Variants in JUP observed in about 807,000 individuals in gnomAD.
JUP encodes catenin (cadherin-associated protein), gamma 80kDa.
In JUP, 28 loss-of-function variants were observed where a neutral mutation model predicts 71.1. The ratio of observed to expected loss-of-function variants is 0.39; its 90% CI spans 0.29 to 0.54. JUP has a LOEUF of 0.54. JUP is among the 20% of genes least tolerant of loss of function. The probability of loss-of-function intolerance (pLI) is 0.62; values close to 1 mark genes in which losing one functional copy is unlikely to be tolerated. For missense variants in JUP, 869 were observed against 1,030.1 expected (o/e 0.84, Z 2.14); for synonymous variants, 401 against 438.9 (o/e 0.91, Z 1.08).
intron 7 of JUP, 118 bp from the exon 8 acceptor site, chr17:41,763,439 G>T: frequency 1.4e-6 from 1 of 706,526 alleles, no homozygotes; most frequent in Admixed American, 2.3e-5. Context: ...GTGTGTGCCC[G>T]GGAACTTTCA....
At chr17:41,785,820 C>CG (rs1555611628) in intron 1 of JUP, 1 of 152,374 alleles carries the variant, frequency 6.6e-6, no homozygotes, top group Admixed American at 6.6e-5. Flanking sequence ...ACCCCACCCC[C>CG]CAGACCCCAG....
chr17:41,758,862 G>A lies in JUP; in HGVS notation c.1506C>T (p.Ile502=), dbSNP rs372963143. The A allele has an allele frequency of 5.6e-6, 9 of 1,606,576 alleles. No individual in the cohort carries two copies. Among genetic ancestry groups the A allele is most frequent in the South Asian group, 1.1e-5 (1 of 90,714 alleles). The change falls in exon 9 of 14, where the codon ATC becomes ATT. Residue 502 remains isoleucine (I), a synonymous_variant. Transcript: ENST00000393931. The part of the protein sequence containing the change: ...PNQWPLVKAT[I]GLIRNLALCP... ...ACAGGGCCAGATTCCTGATCAAGCC[G>A]ATGGTTGCCTGGCAAAAAAAGGGGC...
At chr17:41,785,036 G>A (rs1429726612) in intron 1 of JUP, 2 of 151,996 alleles carry the variant, frequency 1.3e-5, no homozygotes, top group Non-Finnish European at 2.9e-5. Context: ...AGCTCTGCCT[G>A]AGAGAGTCTA....
chr17:41,779,333 ATTTT>A (rs34269111), intron 1 of JUP, among the ~76,000 whole-genome samples: 10 of 100,218 alleles, frequency 1.0e-4, no homozygotes, highest in African/African-American at 3.3e-4. Context: ...AAACTTCCCA[ATTTT>A]TTTTTTTTTT....
intron 12 of JUP, 107 bp from the exon 13 acceptor site, chr17:41,756,321 T>G: frequency 8.9e-7 from 1 of 1,127,310 alleles, no homozygotes. Flanking sequence ...GGGGCCAGGC[T>G]GGGTGCCATG....
At chr17:41,779,832 ATT>A (rs540094732) in intron 1 of JUP, among the ~76,000 whole-genome samples, 12 of 139,678 alleles carry the variant, frequency 8.6e-5, no homozygotes, top group East Asian at 2.2e-4. Flanking sequence ...TGCTTGGCTA[ATT>A]TTTTTTTTTT....
chr17:41,758,546 G>C (rs1555599579), intron 9 of JUP, 28 bp from the exon 10 acceptor site: 1 of 1,601,348 alleles, frequency 6.2e-7, no homozygotes, highest in East Asian at 2.2e-5. Context: ...GGGGGCATGG[G>C]ACAGGTGCCT....
chr17:41,785,823 G>A (rs1555611631), intron 1 of JUP: 1 of 149,242 alleles, frequency 6.7e-6, no homozygotes, highest in African/African-American at 2.5e-5. Flanking sequence ...CCACCCCCCA[G>A]ACCCCAGGGC....
intron 7 of JUP, among the ~76,000 whole-genome samples, chr17:41,763,603 C>T (rs1190456678): frequency 3.3e-5 from 5 of 152,176 alleles, no homozygotes; most frequent in African/African-American, 4.8e-5. Flanking sequence ...ACATCTCTTC[C>T]CTCCAACTCA....
intron 1 of JUP, among the ~76,000 whole-genome samples, chr17:41,774,319 A>G (rs1555607983): frequency 6.6e-6 from 1 of 151,884 alleles, no homozygotes; most frequent in African/African-American, 2.4e-5. Flanking sequence ...GATGTTTTAT[A>G]ATTTCCAATT....
chr17:41,772,347 G>A (rs782210705), intron 1 of JUP: 22 of 263,314 alleles, frequency 8.4e-5, no homozygotes, highest in African/African-American at 4.0e-4. Flanking sequence ...GAAACTGGGC[G>A]GGGCAGGGAA....
Position 41,771,827 on chromosome 17 carries a change from G to A in JUP, c.28C>T (p.Pro10Ser). The A allele has an allele frequency of 6.2e-7, 1 of 1,613,602 alleles. No homozygotes were observed. ...TGCTGCCACTCAGTCACCTTGATAG[G>A]CTGCTCCATCAGGTTCATCACCTCC... Reference protein sequence around the residue: MEVMNLMEQPIKVTEWQQTY... With the variant: MEVMNLMEQSIKVTEWQQTY... The change falls in exon 2 of 14, where the codon CCT becomes TCT. Residue 10 changes from proline (P) to serine (S), a missense_variant. Pro to Ser is a moderately conservative substitution (Grantham distance 74). Coordinates refer to ENST00000393931, the MANE Select transcript of JUP (RefSeq NM_002230.4).
At chr17:41,757,886 C>T (rs782397712) in intron 10 of JUP, 102 bp from the exon 11 acceptor site, 18 of 1,011,386 alleles carry the variant, frequency 1.8e-5, no homozygotes, top group African/African-American at 4.9e-5. Context: ...TGTAGCAATT[C>T]CATAGTGGAA....
intron 1 of JUP, among the ~76,000 whole-genome samples, chr17:41,783,964 G>A (rs77072523): frequency 0.023 from 3,459 of 150,788 alleles, 130 homozygotes; most frequent in African/African-American, 0.08. Context: ...TTGAGTTACC[G>A]TTTGTCAAGT....
At chr17:41,765,341 C>T (rs1261490527) in intron 5 of JUP, among the ~76,000 whole-genome samples, 1 of 151,700 alleles carries the variant, frequency 6.6e-6, no homozygotes, top group African/African-American at 2.4e-5. Context: ...CAGCCAAGCA[C>T]CCCAATAAGT....
chr17:41,783,726 CTG>C (rs2047295768), intron 1 of JUP, among the ~76,000 whole-genome samples: 2 of 151,876 alleles, frequency 1.3e-5, no homozygotes, highest in East Asian at 3.9e-4. Flanking sequence ...CAAGACCAGC[CTG>C]CGCAACATGG....
chr17:41,776,920 C>A (rs2046914098), intron 1 of JUP, among the ~76,000 whole-genome samples: 1 of 152,158 alleles, frequency 6.6e-6, no homozygotes, highest in African/African-American at 2.4e-5. Flanking sequence ...GCAGGCGAAT[C>A]ACTTGAACCT....
chr17:41,772,169 C>T (rs1042988809), intron 1 of JUP: 4 of 471,190 alleles, frequency 8.5e-6, no homozygotes, highest in South Asian at 2.0e-5. Flanking sequence ...GGCCAGCTGC[C>T]GCCAGAAGCC....
In JUP at chr17:41,771,693, C is replaced by T. The variant is rs377681053; in HGVS notation, c.162G>A (p.Thr54=). The change falls in exon 2 of 14, where the codon ACG becomes ACA. Residue 54 remains threonine, a synonymous_variant. Transcript: ENST00000393931. ...GGGTGTAAGTGGTGGTTTTCTTGAG[C>T]GTGTACTGGCGCCCGCAGGCCTCAT... ...EEDEACGRQY[T]LKKTTTYTQG... is the part of the protein sequence containing the mutation. 1.2e-6 allele frequency: 2 copies of T among 1,614,068 alleles called. No homozygotes were observed. Among genetic ancestry groups the T allele is most frequent in the Non-Finnish European group, 8.5e-7 (1 of 1,180,030 alleles).
Sources: allele counts gnomAD v4.1 joint callset (sites outside exome capture counted in the v4.1 genomes callset), GRCh38; gene constraint gnomAD v4.1.1; transcripts MANE v1.5; gene names NCBI Gene and HGNC (gene_info 2026-07-23, HGNC 2026-07-21).